Variants in CYP26C1 observed in about 807,000 individuals in gnomAD.
CYP26C1 encodes cytochrome P450 family 26 subfamily C member 1.
Under a neutral mutation model 39.1 loss-of-function variants are expected in CYP26C1, and 41 were observed. The observed-to-expected ratio is 1.05, with a 90% CI of 0.82 to 1.36. The LOEUF is 1.36. Ranked by LOEUF, CYP26C1 falls within the 40% of genes most tolerant of loss-of-function variation. The pLI, the probability that CYP26C1 is intolerant of heterozygous loss-of-function variation, is 0.00. For synonymous variants in CYP26C1, 362 were observed against 350.8 expected (o/e 1.03, Z -0.36); for missense variants, 833 against 752.0 (o/e 1.11, Z -1.26).
chr10:93,064,676 G>A (rs1846800640), intron 4 of CYP26C1, 140 bp downstream of exon 4: 1 of 1,435,720 alleles, frequency 7.0e-7, no homozygotes, highest in African/African-American at 1.4e-5. Context: ...GGCAAGAGGA[G>A]ACCTGGGTTC....
intron 4 of CYP26C1, 88 bp from the exon 5 acceptor site, chr10:93,065,868 G>A: frequency 1.6e-6 from 2 of 1,277,948 alleles, no homozygotes; most frequent in Non-Finnish European, 2.0e-6. Flanking sequence ...GTAAATTTGG[G>A]TGCTTTTCAT....
intron 4 of CYP26C1, among the ~76,000 whole-genome samples, chr10:93,065,387 A>G (rs7098092): frequency 0.99 from 150,786 of 152,332 alleles, 74,649 homozygotes; most frequent in Middle Eastern, 1. Flanking sequence ...GACCATTCCG[A>G]TAGGGAGAGG....
chr10:93,063,657 A>G (rs938421982), intron 3 of CYP26C1: 8 of 985,268 alleles, frequency 8.1e-6, no homozygotes, highest in Non-Finnish European at 9.6e-6. Context: ...TGTGTAAAGG[A>G]TCATGCTATA....
chr10:93,062,842 C>A lies in CYP26C1; in HGVS notation c.552C>A (p.Ala184=). 6.3e-7 allele frequency: 1 copy of A among 1,593,098 alleles called. No homozygotes were observed. The highest frequency in any genetic ancestry group is 2.2e-5 in the East Asian group (1 of 44,586). The part of the protein sequence containing the change: ...AAGGPVSVYD[A]SKALTFRMAA... ...GCGGGCCGGTCTCAGTCTACGACGCCTCCAAAGCGCTCACCTTCCGCATGG... is the reference window on the plus strand; with the variant it reads ...GCGGGCCGGTCTCAGTCTACGACGCATCCAAAGCGCTCACCTTCCGCATGG... Residue 184 remains alanine, a synonymous_variant, in exon 3 of 6, where the codon GCC becomes GCA. Coordinates refer to ENST00000651965, the MANE Select transcript of CYP26C1 (RefSeq NM_183374.3).
At chr10:93,068,071 A>G (rs906565100) in intron 5 of CYP26C1, among the ~76,000 whole-genome samples, 12 of 152,174 alleles carry the variant, frequency 7.9e-5, no homozygotes, top group African/African-American at 2.9e-4. Context: ...CAAAGGGGCC[A>G]TTTTTCCCCT....
chr10:93,062,134 A>G lies in CYP26C1; in HGVS notation c.329A>G (p.His110Arg), dbSNP rs76053269. The change falls in exon 2 of 6, where the codon CAC (histidine) becomes CGC (arginine). Residue 110 changes from histidine to arginine, a missense_variant. Coordinates refer to ENST00000651965, the MANE Select transcript of CYP26C1 (RefSeq NM_183374.3). ...GTGCGCACCATCCTGCTGGGCGAGCACCGCCTGGTGCGCAGCCAGTGGCCG... is the reference window on the plus strand; with the variant it reads ...GTGCGCACCATCCTGCTGGGCGAGCGCCGCCTGGTGCGCAGCCAGTGGCCG... ...ENVRTILLGE[H>R]RLVRSQWPQS... is the part of the protein sequence containing the mutation. 3.2e-6 allele frequency: 5 copies of G among 1,547,412 alleles called. No homozygotes were observed. In the South Asian group the frequency reaches 5.9e-5, roughly 18 times the overall value.
At position 93,064,409 on chromosome 10, in the gene CYP26C1, G is replaced by GGCACCTGGAGGGGGCCAT; in HGVS notation, c.735_752dup (p.Ala250_Ile251insMetHisLeuGluGlyAla). The GGCACCTGGAGGGGGCCAT allele has an allele frequency of 6.2e-7, 1 of 1,613,942 alleles. No individual in the cohort carries two copies. The highest frequency in any genetic ancestry group is 2.2e-5 in the East Asian group (1 of 44,880). On this transcript the variant is annotated inframe_insertion, in exon 4 of 6. Coordinates refer to ENST00000651965, the MANE Select transcript of CYP26C1 (RefSeq NM_183374.3). ...ATCCGGGCAAGGGACCAGCTGCATCGGCACCTGGAGGGGGCCATTTCTGAG... is the reference window on the plus strand; with the variant it reads ...ATCCGGGCAAGGGACCAGCTGCATCGGCACCTGGAGGGGGCCATGCACCTGGAGGGGGCCATTTCTGAG...
At position 93,068,961 on chromosome 10, in the gene CYP26C1, C is replaced by A; in HGVS notation, c.*264C>A. ...CCAGAGGAAGGAAAATGTCGTGGGC[C>A]AAGCAGGAATGGAGGGAATAGATAG... On this transcript the variant is annotated 3_prime_UTR_variant, in exon 6 of 6. Coordinates refer to ENST00000651965, the MANE Select transcript of CYP26C1 (RefSeq NM_183374.3). The A allele has an allele frequency of 2.0e-6, 1 of 499,108 alleles. No individual in the cohort carries two copies. The highest frequency in any genetic ancestry group is 3.3e-6 in the Non-Finnish European group (1 of 302,400). The allele number at this position is 499,108 out of a possible 1,614,324, so 30.9% of individuals were successfully genotyped here. A position where few individuals can be genotyped will look rare whatever the true frequency, so the allele number is the denominator to read the frequency against.
intron 1 of CYP26C1, 106 bp downstream of exon 1, chr10:93,061,573 C>A (rs1454663369): frequency 2.9e-6 from 4 of 1,383,410 alleles, no homozygotes; most frequent in Admixed American, 2.3e-5. Flanking sequence ...CCAGTCCCTG[C>A]CCATCGCCCA....
In CYP26C1 at chr10:93,069,211, G is replaced by T. The variant is rs1846866853; in HGVS notation, c.*514G>T. Reference sequence around the variant, plus strand: ...TGGGCCATAGAAAAAACACGCAGAGGATGCCTGACGGAAGGCCCTCTGGCA... The same window carrying T: ...TGGGCCATAGAAAAAACACGCAGAGTATGCCTGACGGAAGGCCCTCTGGCA... On this transcript the variant is annotated 3_prime_UTR_variant, in exon 6 of 6. Coordinates refer to ENST00000651965, the MANE Select transcript of CYP26C1 (RefSeq NM_183374.3). 1 of 152,578 alleles carries T rather than the reference G, an allele frequency of 6.6e-6. No homozygotes were observed. Among genetic ancestry groups the T allele is most frequent in the African/African-American group, 2.4e-5 (1 of 41,496 alleles). The allele number at this position is 152,578 out of a possible 1,614,324, so 9.5% of individuals were successfully genotyped here. A position where few individuals can be genotyped will look rare whatever the true frequency, so the allele number is the denominator to read the frequency against.
At chr10:93,066,317 T>TCCTGCCTCCTGCCGCCTGCCG (rs1399950779) in intron 5 of CYP26C1, 32 bp downstream of exon 5, 7 of 1,261,950 alleles carry the variant, frequency 5.5e-6, no homozygotes, top group Non-Finnish European at 7.0e-6. Context: ...ATGGCCAGCC[T>TCCTGCCTCCTGCCGCCTGCCG]CCTGCCTCCT....
chr10:93,065,867 G>A (rs1195591984), intron 4 of CYP26C1, 89 bp from the exon 5 acceptor site: 7 of 1,266,528 alleles, frequency 5.5e-6, no homozygotes, highest in Non-Finnish European at 7.2e-6. Flanking sequence ...AGTAAATTTG[G>A]GTGCTTTTCA....
chr10:93,065,838 C>A, intron 4 of CYP26C1, 118 bp from the exon 5 acceptor site: 1 of 981,624 alleles, frequency 1.0e-6, no homozygotes, highest in East Asian at 3.3e-5. Flanking sequence ...CACTTCCCTG[C>A]CCCCTGGCTT....
chr10:93,062,637 G>A (rs1846765825), intron 2 of CYP26C1, 83 bp from the exon 3 acceptor site: 1 of 1,229,844 alleles, frequency 8.1e-7, no homozygotes, highest in East Asian at 2.9e-5. Context: ...AGAAAGGACC[G>A]GAACTGGCCT....
At chr10:93,067,391 G>A (rs1314479996) in intron 5 of CYP26C1, among the ~76,000 whole-genome samples, 1 of 152,264 alleles carries the variant, frequency 6.6e-6, no homozygotes, top group Non-Finnish European at 1.5e-5. Flanking sequence ...TGGATGTTGA[G>A]AAGTGTCTTG....
At chr10:93,066,435 C>T (rs967821614) in intron 5 of CYP26C1, 150 bp downstream of exon 5, 3 of 748,664 alleles carry the variant, frequency 4.0e-6, no homozygotes, top group African/African-American at 1.8e-5. Flanking sequence ...GAGCCTCAGC[C>T]TTCCGTCCTA....
rs935419129 is a variant in CYP26C1 at position 93,062,298 on chromosome 10, G to A, written c.429+64G>A. ...CCGCGGTCCCCGGCATCTGCCATGG[G>A]CCAGGCCGGGGCCCCGGTGTTGGAT... is the stretch of plus-strand genomic sequence containing the variant. On this transcript the variant is annotated intron_variant, in intron 2 of 5. Coordinates refer to ENST00000651965, the MANE Select transcript of CYP26C1 (RefSeq NM_183374.3). 16 of 1,451,502 alleles carry A rather than the reference G, an allele frequency of 1.1e-5. No individual in the cohort carries two copies. The Admixed American group carries it at 3.4e-4, about 31-fold the overall frequency. The allele number at this position is 1,451,502 out of a possible 1,614,324, so 89.9% of individuals were successfully genotyped here.
In CYP26C1 at chr10:93,060,899, A is replaced by G. The variant is rs1285513406; in HGVS notation, c.-365A>G. On this transcript the variant is annotated 5_prime_UTR_variant, in exon 1 of 6. Coordinates refer to ENST00000651965, the MANE Select transcript of CYP26C1 (RefSeq NM_183374.3). ...TCTTTCGCCCTCCTTCCCTTCTTCT[A>G]TCCAAAGGGTGCTGAGCCCGGGAGG... The G allele has an allele frequency of 2.6e-5, 8 of 302,910 alleles. No homozygotes were observed. Among genetic ancestry groups the G allele is most frequent in the Admixed American group, 1.1e-4 (2 of 18,928 alleles). The allele number at this position is 302,910 out of a possible 1,614,324, so 18.8% of individuals were successfully genotyped here. A position where few individuals can be genotyped will look rare whatever the true frequency, so the allele number is the denominator to read the frequency against.
intron 4 of CYP26C1, 42 bp downstream of exon 4, chr10:93,064,578 C>A (rs910986034): frequency 6.3e-7 from 1 of 1,587,880 alleles, no homozygotes; most frequent in African/African-American, 1.3e-5. Flanking sequence ...CTTTTGCATT[C>A]CCAGCAGGTC....
Sources: allele counts gnomAD v4.1 joint callset (sites outside exome capture counted in the v4.1 genomes callset), GRCh38; gene constraint gnomAD v4.1.1; transcripts MANE v1.5; gene names NCBI Gene and HGNC (gene_info 2026-07-23, HGNC 2026-07-21).